The following ADGRB3 variants were observed in gnomAD, a reference collection of about 807,000 sequenced individuals.
The protein encoded by ADGRB3 is adhesion G protein-coupled receptor B3, also known as brain-specific angiogenesis inhibitor 3.
ADGRB3 carries 37 observed loss-of-function variants against 193.4 expected under a neutral mutation model. That is an observed-to-expected ratio of 0.19 (90% CI 0.15 to 0.25). ADGRB3 has a LOEUF of 0.25. ADGRB3 is among the 10% of genes least tolerant of loss of function. ADGRB3 has a pLI of 1.00. For synonymous variants in ADGRB3, 690 were observed against 644.2 expected (o/e 1.07, Z -1.08); for missense variants, 1,637 against 1,852.9 (o/e 0.88, Z 2.14).
intron 17 of ADGRB3, among the ~76,000 whole-genome samples, chr6:69,092,836 C>T (rs1393462188): frequency 1.3e-5 from 2 of 151,874 alleles, no homozygotes; most frequent in Non-Finnish European, 2.9e-5. Context: ...AGGGGGAGAA[C>T]GTTTTCAAAA....
chr6:69,035,312 T>G (rs191639910), intron 13 of ADGRB3, among the ~76,000 whole-genome samples: 1 of 152,106 alleles, frequency 6.6e-6, no homozygotes, highest in Non-Finnish European at 1.5e-5. Flanking sequence ...GCACACATAC[T>G]TCAGTTCTCC....
intron 3 of ADGRB3, among the ~76,000 whole-genome samples, chr6:68,883,586 G>A (rs1765802495): frequency 6.6e-6 from 1 of 151,838 alleles, no homozygotes; most frequent in African/African-American, 2.4e-5. Context: ...TGGGAGGAGT[G>A]AACAACTCTG....
At chr6:68,684,164 C>T (rs1764944023) in intron 3 of ADGRB3, among the ~76,000 whole-genome samples, 1 of 152,076 alleles carries the variant, frequency 6.6e-6, no homozygotes. Flanking sequence ...TCATAGTGTC[C>T]TAGAATTTGT....
At chr6:69,112,454 C>G (rs1443345689) in intron 17 of ADGRB3, among the ~76,000 whole-genome samples, 1 of 152,116 alleles carries the variant, frequency 6.6e-6, no homozygotes, top group Admixed American at 6.6e-5. Context: ...GGCTAAAACT[C>G]TTTAGTGGCT....
chr6:68,858,736 C>T (rs1013999427), intron 3 of ADGRB3, among the ~76,000 whole-genome samples: 3 of 152,124 alleles, frequency 2.0e-5, no homozygotes, highest in African/African-American at 7.2e-5. Context: ...AAGCAATAGC[C>T]TGAGCTCTAC....
At chr6:68,764,603 C>T (rs1221134933) in intron 3 of ADGRB3, among the ~76,000 whole-genome samples, 1 of 152,136 alleles carries the variant, frequency 6.6e-6, no homozygotes, top group Admixed American at 6.5e-5. Flanking sequence ...TATAATAATG[C>T]ACCATGTCTC....
intron 17 of ADGRB3, among the ~76,000 whole-genome samples, chr6:69,191,137 C>T (rs1358692485): frequency 1.3e-5 from 2 of 152,154 alleles, no homozygotes; most frequent in Non-Finnish European, 2.9e-5. Context: ...TATTGGCAGC[C>T]TCCAAATATT....
intron 17 of ADGRB3, among the ~76,000 whole-genome samples, chr6:69,190,447 A>G (rs1765163832): frequency 6.6e-6 from 1 of 151,956 alleles, no homozygotes. Context: ...GAAAGAAAAT[A>G]TTTCTGGGCA....
intron 3 of ADGRB3, among the ~76,000 whole-genome samples, chr6:68,829,581 C>T (rs1767915713): frequency 6.6e-6 from 1 of 151,986 alleles, no homozygotes; most frequent in Non-Finnish European, 1.5e-5. Context: ...ACTTAGATTC[C>T]TAATGCAATA....
chr6:69,300,970 A>C (rs1767938578), intron 20 of ADGRB3, among the ~76,000 whole-genome samples: 2 of 151,806 alleles, frequency 1.3e-5, no homozygotes, highest in East Asian at 3.9e-4. Flanking sequence ...GTTTATTTAT[A>C]ATTGTAAGTT....
chr6:68,654,846 A>C (rs1195375197), intron 3 of ADGRB3, among the ~76,000 whole-genome samples: 1 of 151,890 alleles, frequency 6.6e-6, no homozygotes, highest in Admixed American at 6.6e-5. Context: ...TTGAAAATTC[A>C]CATGAAGTCT....
intron 17 of ADGRB3, among the ~76,000 whole-genome samples, chr6:69,087,258 T>C (rs1449711466): frequency 6.6e-6 from 1 of 152,212 alleles, no homozygotes; most frequent in Non-Finnish European, 1.5e-5. Flanking sequence ...TTAACATTAC[T>C]GTTCTAAATT....
rs112938466 is a variant in ADGRB3 at position 69,143,367 on chromosome 6, T to A, written c.2480+67329T>A. 2.5e-3 allele frequency among the ~76,000 whole-genome samples: 379 copies of A among 152,340 alleles called. 5 individuals are homozygous for A. Among genetic ancestry groups the A allele is most frequent in the Non-Finnish European group, 4.1e-3 (281 of 68,034 alleles). On this transcript the variant is annotated intron_variant, in intron 17 of 31. Transcript: ENST00000370598. Reference sequence around the variant, plus strand: ...TCACTTTACTAGTTGTTTACTTTGCTGTGCAGCTTTTTAACTTGATGTAAT... The same window carrying A: ...TCACTTTACTAGTTGTTTACTTTGCAGTGCAGCTTTTTAACTTGATGTAAT...
chr6:69,120,456 A>G (rs1773651432), intron 17 of ADGRB3, among the ~76,000 whole-genome samples: 1 of 152,246 alleles, frequency 6.6e-6, no homozygotes, highest in Non-Finnish European at 1.5e-5. Context: ...CTACTTTTCC[A>G]GAATGGGAAC....
At chr6:68,856,157 T>G (rs1045756562) in intron 3 of ADGRB3, among the ~76,000 whole-genome samples, 1 of 152,154 alleles carries the variant, frequency 6.6e-6, no homozygotes, top group African/African-American at 2.4e-5. Context: ...GGACTGTGAA[T>G]TCTCCATTAA....
chr6:69,286,784 A>G (rs1767561942), intron 20 of ADGRB3, among the ~76,000 whole-genome samples: 1 of 152,230 alleles, frequency 6.6e-6, no homozygotes, highest in South Asian at 2.1e-4. Flanking sequence ...AGAAAAGAAA[A>G]TGAACATTCC....
chr6:68,928,524 G>T (rs192639681), intron 3 of ADGRB3, among the ~76,000 whole-genome samples: 4 of 152,196 alleles, frequency 2.6e-5, no homozygotes, highest in Non-Finnish European at 4.4e-5. Context: ...GACAGACCAA[G>T]ACCCACGGAC....
chr6:68,678,659 G>A (rs1217298116), intron 3 of ADGRB3, among the ~76,000 whole-genome samples: 2 of 152,158 alleles, frequency 1.3e-5, no homozygotes, highest in Non-Finnish European at 2.9e-5. Context: ...ATCATTTAAA[G>A]AATTCCTGCC....
chr6:69,050,339 G>T (rs553022190), intron 15 of ADGRB3, among the ~76,000 whole-genome samples: 6 of 152,274 alleles, frequency 3.9e-5, no homozygotes, highest in African/African-American at 1.2e-4. Context: ...AGCCCCTGTG[G>T]TTGTCATGCA....
Sources: gnomAD v4.1 joint callset for allele counts (sites outside exome capture counted in the v4.1 genomes callset) on GRCh38, gnomAD v4.1.1 for gene constraint, MANE v1.5 for transcripts, NCBI Gene and HGNC (gene_info 2026-07-23, HGNC 2026-07-21) for gene names.